The following RELN variants were observed in gnomAD, a reference collection of about 807,000 sequenced individuals.
The protein encoded by RELN is reelin.
RELN carries 108 observed loss-of-function variants against 427.6 expected under a neutral mutation model. The ratio of observed to expected loss-of-function variants is 0.25; its 90% CI spans 0.22 to 0.30. The LOEUF (loss-of-function observed/expected upper bound fraction) is 0.30. RELN is among the 10% of genes least tolerant of loss of function. RELN has a pLI of 1.00. For missense variants in RELN, 3,715 were observed against 4,302.8 expected, an observed-to-expected ratio of 0.86 and a Z score of 3.82; for synonymous variants, 1,524 against 1,513.4, an observed-to-expected ratio of 1.01 and a Z score of -0.16.
At chr7:103,744,441 CA>C (rs1193871727) in intron 6 of RELN, among the ~76,000 whole-genome samples, 2 of 151,812 alleles carry the variant, frequency 1.3e-5, no homozygotes, top group Non-Finnish European at 2.9e-5. Context: ...AATGGAGACA[CA>C]AAAAAACCCT....
At chr7:103,635,275 C>G (rs1832553790) in intron 19 of RELN, 150 bp downstream of exon 19, 1 of 742,914 alleles carries the variant, frequency 1.3e-6, no homozygotes, top group Non-Finnish European at 2.2e-6. Context: ...GATGGGTTGG[C>G]TTGGTAGTTT....
chr7:103,930,314 A>G (rs1795832877), intron 1 of RELN, among the ~76,000 whole-genome samples: 1 of 152,046 alleles, frequency 6.6e-6, no homozygotes, highest in Non-Finnish European at 1.5e-5. Flanking sequence ...GGGCCATCCC[A>G]ATGACCTCAT....
intron 49 of RELN, 113 bp downstream of exon 49, chr7:103,519,210 G>A: frequency 2.5e-6 from 2 of 807,842 alleles, no homozygotes; most frequent in Non-Finnish European, 4.3e-6. Context: ...CAGTCTCAGA[G>A]GCATCCTCTA....
chr7:103,483,543 G>A, intron 62 of RELN, 110 bp downstream of exon 62: 1 of 1,081,918 alleles, frequency 9.2e-7, no homozygotes, highest in Non-Finnish European at 1.4e-6. Context: ...ACCTAGTTTT[G>A]TGGCATTGGT....
At chr7:103,532,624 C>G (rs1358612071) in intron 46 of RELN, among the ~76,000 whole-genome samples, 4 of 152,108 alleles carry the variant, frequency 2.6e-5, no homozygotes, top group Non-Finnish European at 4.4e-5. Context: ...CCTCACCTTG[C>G]TCCTCTCTCT....
At chr7:103,781,601 T>C (rs1243392152) in intron 3 of RELN, among the ~76,000 whole-genome samples, 2 of 152,126 alleles carry the variant, frequency 1.3e-5, no homozygotes, top group East Asian at 3.8e-4. Flanking sequence ...AATAGATATC[T>C]TGAACTTATC....
chr7:103,894,010 T>A (rs534071757), intron 2 of RELN, among the ~76,000 whole-genome samples: 51 of 152,324 alleles, frequency 3.3e-4, no homozygotes, highest in Middle Eastern at 3.4e-3. Flanking sequence ...GAATAAATTA[T>A]AACTTATTAA....
At chr7:103,612,880 A>G (rs1465177229) in intron 20 of RELN, among the ~76,000 whole-genome samples, 2 of 152,232 alleles carry the variant, frequency 1.3e-5, no homozygotes, top group Non-Finnish European at 2.9e-5. Flanking sequence ...AGATTAAAAT[A>G]TAGACATATT....
chr7:103,876,663 A>G (rs1563065946), intron 2 of RELN, among the ~76,000 whole-genome samples: 1 of 152,160 alleles, frequency 6.6e-6, no homozygotes, highest in Non-Finnish European at 1.5e-5. Context: ...TCTCCGTCTA[A>G]AAAGTTTGAT....
intron 2 of RELN, among the ~76,000 whole-genome samples, chr7:103,916,323 C>G (rs1356469526): frequency 6.6e-6 from 1 of 152,204 alleles, no homozygotes; most frequent in Non-Finnish European, 1.5e-5. Context: ...CTTCTCACAT[C>G]TATAGATGAA....
intron 3 of RELN, among the ~76,000 whole-genome samples, chr7:103,791,620 T>A (rs1385378157): frequency 1.3e-5 from 2 of 152,078 alleles, no homozygotes; most frequent in Non-Finnish European, 2.9e-5. Flanking sequence ...TAACTAAAAC[T>A]GTAAAACTCT....
chr7:103,716,025 A>G (rs138767129), intron 8 of RELN, among the ~76,000 whole-genome samples: 159 of 152,254 alleles, frequency 1.0e-3, no homozygotes, highest in African/African-American at 3.7e-3. Flanking sequence ...GGCAATCTGG[A>G]GACAGCATTA....
intron 3 of RELN, among the ~76,000 whole-genome samples, chr7:103,829,371 T>C (rs1300251427): frequency 6.6e-6 from 1 of 151,608 alleles, no homozygotes; most frequent in Non-Finnish European, 1.5e-5. Context: ...CCCTTGGGAC[T>C]TTGGGGTAGG....
At chr7:103,587,637 C>G (rs537909443) in intron 28 of RELN, among the ~76,000 whole-genome samples, 1 of 151,770 alleles carries the variant, frequency 6.6e-6, no homozygotes, top group African/African-American at 2.4e-5. Flanking sequence ...CAACAAGGGA[C>G]CAATATAATA....
At chr7:103,624,385 T>C (rs945768262) in intron 20 of RELN, among the ~76,000 whole-genome samples, 1 of 152,084 alleles carries the variant, frequency 6.6e-6, no homozygotes, top group Non-Finnish European at 1.5e-5. Flanking sequence ...TCCCACCACA[T>C]CGTCACATAC....
chr7:103,910,004 G>A (rs943196685), intron 2 of RELN, among the ~76,000 whole-genome samples: 3 of 138,196 alleles, frequency 2.2e-5, no homozygotes, highest in Non-Finnish European at 3.1e-5. Context: ...ACCTTGGGCA[G>A]TATGGCCATT....
chr7:103,728,018 A>G, intron 7 of RELN, 93 bp downstream of exon 7: 1 of 1,162,978 alleles, frequency 8.6e-7, no homozygotes, highest in East Asian at 2.5e-5. Context: ...TTGAATTTTC[A>G]TCTGAACTTT....
At chr7:103,743,827 C>T (rs1338207815) in intron 6 of RELN, among the ~76,000 whole-genome samples, 3 of 152,128 alleles carry the variant, frequency 2.0e-5, no homozygotes, top group Admixed American at 6.5e-5. Flanking sequence ...GACTTTAACA[C>T]CCCACTGTCA....
chr7:103,941,358 C>T (rs1027192251), intron 1 of RELN, among the ~76,000 whole-genome samples: 2 of 152,096 alleles, frequency 1.3e-5, no homozygotes, highest in Non-Finnish European at 2.9e-5. Flanking sequence ...CAAGATTGTT[C>T]GAAGGGCATG....
Sources: allele counts gnomAD v4.1 joint callset (sites outside exome capture counted in the v4.1 genomes callset), GRCh38; gene constraint gnomAD v4.1.1; transcripts MANE v1.5; gene names NCBI Gene and HGNC (gene_info 2026-07-23, HGNC 2026-07-21).